Variants in DKK3 observed in about 807,000 individuals in gnomAD.
The protein encoded by DKK3 is dickkopf Wnt signaling pathway inhibitor 3, also known as dickkopf-related protein 3.
A neutral mutation model predicts 33.2 loss-of-function variants in DKK3; 22 were observed. The observed-to-expected ratio is 0.66, with a 90% CI of 0.47 to 0.95. The LOEUF (loss-of-function observed/expected upper bound fraction) is 0.95, where lower values mean the gene tolerates loss of function less well. DKK3 is among the 40% of genes least tolerant of loss of function. The pLI is 0.00. For missense variants in DKK3, 398 were observed against 458.4 expected, an observed-to-expected ratio of 0.87 and a Z score of 1.20; for synonymous variants, 194 against 188.8, an observed-to-expected ratio of 1.03 and a Z score of -0.23.
At chr11:12,008,723 C>T (rs1848598219), upstream of DKK3, 6 of 1,209,752 alleles carry the variant, frequency 5.0e-6, no homozygotes, top group African/African-American at 1.6e-5. This position sits in a 1 kb window ranked among gnomAD's most constrained non-coding sequence, Gnocchi z 4.6. Context: ...CCCGCACCCG[C>T]CCGGAGACGG....
chr11:11,984,786 C>T (rs537658284), intron 3 of DKK3, among the ~76,000 whole-genome samples: 23 of 152,250 alleles, frequency 1.5e-4, no homozygotes, highest in East Asian at 9.6e-4. Flanking sequence ...TGGGGGACGG[C>T]GCCTGGGATT....
At chr11:11,993,208 A>C (rs1246630039) in intron 3 of DKK3, among the ~76,000 whole-genome samples, 2 of 152,234 alleles carry the variant, frequency 1.3e-5, no homozygotes, top group Admixed American at 6.5e-5. Flanking sequence ...AAAATAAAGA[A>C]ATCTATAAAG....
In DKK3 at chr11:11,983,159, C is replaced by T. The variant is rs1268755957; in HGVS notation, c.436-14672G>A. On this transcript the variant is annotated intron_variant, in intron 3 of 6. Coordinates refer to ENST00000683431, the MANE Select transcript of DKK3 (RefSeq NM_001018057.2). ...TTCTCCAGATTGACTCAATTGGTTT[C>T]TTGTTTGCCCTTTTTAGATGAGTCA... Among the ~76,000 whole-genome samples the T allele has an allele frequency of 3.3e-5, 5 of 152,184 alleles. No individual in the cohort carries two copies. In the East Asian group the frequency reaches 9.6e-4, roughly 29 times the overall value.
chr11:12,008,794 C>A, upstream of DKK3: 2 of 1,183,376 alleles, frequency 1.7e-6, no homozygotes, highest in Non-Finnish European at 2.1e-6. The surrounding 1 kb of genome is among the most constrained non-coding windows in gnomAD (Gnocchi z 4.6). Flanking sequence ...CGACCCCACC[C>A]GCTCCAGCCC....
upstream of DKK3, chr11:12,008,745 GGCCCCTGAAAACGCA>G: frequency 8.3e-7 from 1 of 1,201,788 alleles, no homozygotes; most frequent in Non-Finnish European, 1.0e-6. This position sits in a 1 kb window ranked among gnomAD's most constrained non-coding sequence, Gnocchi z 4.6. Context: ...AGGAAACCGA[GGCCCCTGAAAACGCA>G]GCTCCCCTAC....
chr11:11,976,522 T>C (rs55758252), intron 3 of DKK3, among the ~76,000 whole-genome samples: 33,475 of 152,202 alleles, frequency 0.22, 3,887 homozygotes, highest in Middle Eastern at 0.41. Flanking sequence ...GTGGCAGAGC[T>C]ACACTCAAGC....
chr11:11,980,316 G>A (rs369129073), intron 3 of DKK3, among the ~76,000 whole-genome samples: 1 of 152,206 alleles, frequency 6.6e-6, no homozygotes, highest in East Asian at 1.9e-4. Context: ...GAGCAGGTCC[G>A]GTCTCTGAAT....
At chr11:11,976,201 T>C (rs932768235) in intron 3 of DKK3, among the ~76,000 whole-genome samples, 2 of 152,154 alleles carry the variant, frequency 1.3e-5, no homozygotes, top group Non-Finnish European at 2.9e-5. Flanking sequence ...GCCCTTCCCA[T>C]TACCAACAGC....
chr11:11,963,470 C>A lies in DKK3; in HGVS notation c.*994G>T, dbSNP rs1564903027. On this transcript the variant is annotated 3_prime_UTR_variant, in exon 7 of 7. Transcript: ENST00000683431. ...GGTTAACCTGTATGCTACGCTCAGT[C>A]ATATACCTTTCAAAGTTACTAATGC... is the stretch of plus-strand genomic sequence containing the variant. 1 of 152,224 alleles carries A rather than the reference C, an allele frequency of 6.6e-6. No homozygotes were observed. Among genetic ancestry groups the A allele is most frequent in the Non-Finnish European group, 1.5e-5 (1 of 68,048 alleles). 9.4% of individuals were successfully genotyped at this position (152,224 alleles called of 1,614,324 possible). A position where few individuals can be genotyped will look rare whatever the true frequency, so the allele number is the denominator to read the frequency against.
chr11:11,981,386 C>A (rs924818479), intron 3 of DKK3, among the ~76,000 whole-genome samples: 1 of 152,338 alleles, frequency 6.6e-6, no homozygotes, highest in South Asian at 2.1e-4. Flanking sequence ...TCAGAGGTCT[C>A]AGGCATTACG....
rs1194418070 is a variant in DKK3 at position 12,002,232 on chromosome 11, CA to C, written c.351+67del. The C allele has an allele frequency of 4.0e-6, 6 of 1,488,676 alleles. No individual in the cohort carries two copies. The East Asian group carries it at 9.2e-5, about 23-fold the overall frequency. 92.2% of individuals were successfully genotyped at this position (1,488,676 alleles called of 1,614,324 possible). A position where few individuals can be genotyped will look rare whatever the true frequency, so the allele number is the denominator to read the frequency against. On this transcript the variant is annotated intron_variant, in intron 2 of 6. Transcript: ENST00000683431. ...TATATCACATATGAAAAAACAAAAACAAAAAAACCTTAGTTCTCTGATGGGA... is the reference window on the plus strand; with the variant it reads ...TATATCACATATGAAAAAACAAAAACAAAAAACCTTAGTTCTCTGATGGGA...
intron 3 of DKK3, among the ~76,000 whole-genome samples, chr11:11,992,032 T>G (rs770409563): frequency 3.3e-5 from 5 of 152,214 alleles, no homozygotes; most frequent in Non-Finnish European, 7.3e-5. Flanking sequence ...AGAGACTGTC[T>G]TTTACACTTC....
intron 3 of DKK3, among the ~76,000 whole-genome samples, chr11:11,980,534 A>G (rs2135035990): frequency 6.6e-6 from 1 of 152,138 alleles, no homozygotes; most frequent in East Asian, 1.9e-4. Flanking sequence ...TGACCTCCCT[A>G]GGACCCAGAT....
rs189204011 is a variant in DKK3 at position 11,966,777 on chromosome 11, G to A, written c.673+177C>T. ...CATCAACAGGGGAAAAAAAAGAGGT[G>A]GTCTTCCCACTCCGGGCAGAGGCTG... On this transcript the variant is annotated intron_variant, in intron 5 of 6. Transcript: ENST00000683431. 4.9e-3 allele frequency among the ~76,000 whole-genome samples: 750 copies of A among 152,230 alleles called. 9 individuals are homozygous for A. Among genetic ancestry groups the A allele is most frequent in the African/African-American group, 0.017 (721 of 41,528 alleles).
chr11:11,965,057 T>G (rs1847554644), intron 6 of DKK3, among the ~76,000 whole-genome samples: 1 of 152,278 alleles, frequency 6.6e-6, no homozygotes, highest in South Asian at 2.1e-4. Context: ...GGGTGTAGTC[T>G]AGCCACATGC....
intron 2 of DKK3, among the ~76,000 whole-genome samples, chr11:12,000,907 A>T (rs977023087): frequency 1.3e-5 from 2 of 152,216 alleles, no homozygotes; most frequent in Non-Finnish European, 2.9e-5. Flanking sequence ...TAATAAGAAC[A>T]GTGGTTTTTG....
At chr11:11,998,887 A>C in intron 2 of DKK3, 108 bp from the exon 3 acceptor site, 1 of 1,026,158 alleles carries the variant, frequency 9.7e-7, no homozygotes, top group Non-Finnish European at 1.5e-6. Flanking sequence ...AGCATCCAGT[A>C]TAGGAGTCGA....
At chr11:11,996,688 G>T (rs1054591679) in intron 3 of DKK3, among the ~76,000 whole-genome samples, 1 of 152,188 alleles carries the variant, frequency 6.6e-6, no homozygotes, top group Non-Finnish European at 1.5e-5. Context: ...GTCTGAGCAG[G>T]CATCAAGACA....
intron 1 of DKK3, among the ~76,000 whole-genome samples, chr11:12,005,264 C>G (rs778864275): frequency 1.6e-4 from 24 of 152,298 alleles, no homozygotes; most frequent in Middle Eastern, 3.4e-3. Flanking sequence ...TTAAATGGCA[C>G]CATGAACTAA....
Sources: allele counts gnomAD v4.1 joint callset (sites outside exome capture counted in the v4.1 genomes callset), GRCh38; gene constraint gnomAD v4.1.1; non-coding constraint Gnocchi (gnomAD v3.1); transcripts MANE v1.5; gene names NCBI Gene and HGNC (gene_info 2026-07-23, HGNC 2026-07-21).